Variants in KCNH6 observed in about 807,000 individuals in gnomAD.
KCNH6 encodes the protein voltage-gated inwardly rectifying potassium channel KCNH6.
A neutral mutation model predicts 83.4 loss-of-function variants in KCNH6; 81 were observed. That is an observed-to-expected ratio of 0.97 (90% confidence interval 0.81 to 1.17). KCNH6 has a LOEUF of 1.17. KCNH6 is among the 50% of genes most tolerant of loss of function. The pLI is 0.00. For synonymous variants in KCNH6, 503 were observed against 545.6 expected (o/e 0.92, Z 1.09); for missense variants, 1,203 against 1,290.5 (o/e 0.93, Z 1.04).
rs1174668307 is a variant in KCNH6 at position 63,538,582 on chromosome 17, G to A, written c.1874G>A (p.Gly625Asp). ...CCTGGGGACACGCTGGTGCACCTCG[G>A]CGACGTGCTCTCCACCCTCTACTTC... is the stretch of plus-strand genomic sequence containing the variant. Reference protein sequence around the residue: ...APPGDTLVHLGDVLSTLYFIS... With the variant: ...APPGDTLVHLDDVLSTLYFIS... Residue 625 changes from glycine to aspartate, a missense_variant, in exon 8 of 13, where the codon GGC becomes GAC. Coordinates refer to ENST00000314672, the MANE Select transcript of KCNH6 (RefSeq NM_001278919.2). The surrounding 1 kb of genome is among the most constrained non-coding windows in gnomAD (Gnocchi z 4.0). 1 of 1,613,124 alleles carries A rather than the reference G, an allele frequency of 6.2e-7. No homozygotes were observed. The highest frequency in any genetic ancestry group is 1.7e-5 in the Admixed American group (1 of 59,956).
chr17:63,538,224 A>T lies in KCNH6; in HGVS notation c.1661A>T (p.Gln554Leu), dbSNP rs1407971935. 6.2e-7 allele frequency: 1 copy of T among 1,614,020 alleles called. No homozygotes were observed. ...PLRQRLEEYF[Q>L]HAWSYTNGID... ...CGCCAGCGCCTGGAGGAGTATTTCC[A>T]GCACGCCTGGTCCTACACCAATGGC... is the stretch of plus-strand genomic sequence containing the variant. The change falls in exon 7 of 13, where the codon CAG (glutamine) becomes CTG (leucine). Residue 554 changes from glutamine to leucine, a missense_variant. Coordinates refer to ENST00000314672, the MANE Select transcript of KCNH6 (RefSeq NM_001278919.2). This position sits in a 1 kb window ranked among gnomAD's most constrained non-coding sequence, Gnocchi z 4.0.
rs189641576 is a variant in KCNH6 at position 63,546,176 on chromosome 17, G to A, written c.*274G>A. On this transcript the variant is annotated 3_prime_UTR_variant, in exon 13 of 13. Transcript: ENST00000314672. ...AATGGCATGAACCCGGGAGGTGGAGGTTGCAGGGAGCCGAGGCCGCACCAC... is the reference window on the plus strand; with the variant it reads ...AATGGCATGAACCCGGGAGGTGGAGATTGCAGGGAGCCGAGGCCGCACCAC... The A allele has an allele frequency of 3.7e-5, 12 of 321,018 alleles. No individual in the cohort carries two copies. The highest frequency in any genetic ancestry group is 5.8e-5 in the Non-Finnish European group (10 of 172,216). The allele number at this position is 321,018 out of a possible 1,614,324, so 19.9% of individuals were successfully genotyped here.
rs780501361 is a variant in KCNH6, at chr17:63,535,845, G to A, written c.1278G>A (p.Glu426=). 18 of 1,614,088 alleles carry A rather than the reference G, an allele frequency of 1.1e-5. No individual in the cohort carries two copies. Among genetic ancestry groups the A allele is most frequent in the Non-Finnish European group, 1.5e-5 (18 of 1,180,048 alleles). ...TCTGGTACGCCATCGGCAATGTGGA[G>A]CGGCCCTACCTAGAACACAAGATCG... ...ACIWYAIGNV[E]RPYLEHKIGW... The change falls in exon 6 of 13, where the codon GAG becomes GAA. Residue 426 remains glutamate (E), a synonymous_variant. Transcript: ENST00000314672. The surrounding 1 kb of genome is among the most constrained non-coding windows in gnomAD (Gnocchi z 4.9).
intron 6 of KCNH6, among the ~76,000 whole-genome samples, chr17:63,536,630 T>A (rs895095566): frequency 1.4e-5 from 2 of 145,078 alleles, no homozygotes; most frequent in East Asian, 2.1e-4. Context: ...GGTGACAGAG[T>A]GAGACTCCGT....
In KCNH6 at chr17:63,545,182, A is replaced by G. The variant is rs140788381; in HGVS notation, c.2501A>G (p.Asn834Ser). The G allele has an allele frequency of 1.3e-5, 21 of 1,613,736 alleles. No homozygotes were observed. In the African/African-American group the frequency reaches 1.6e-4, roughly 12 times the overall value. ...ASYILEAPAS[N>S]DLALVPIASE... is the part of the protein sequence containing the mutation. ...TACATTCTGGAAGCCCCTGCCTCCA[A>G]TGACCTGGCCTTGGTTCCTATAGCC... Residue 834 changes from asparagine (N) to serine (S), a missense_variant, in exon 12 of 13, where the codon AAT becomes AGT. By Grantham distance (46) the Asn-to-Ser change is conservative. Transcript: ENST00000314672.
Position 63,535,896 on chromosome 17 carries a change from GCT to G in KCNH6, c.1330_1331del (p.Leu444TrpfsTer120), listed in dbSNP as rs1568077914. On this transcript the variant is annotated frameshift_variant, in exon 6 of 13. Coordinates refer to ENST00000314672, the MANE Select transcript of KCNH6 (RefSeq NM_001278919.2). LOFTEE classifies it high-confidence loss of function. This position sits in a 1 kb window ranked among gnomAD's most constrained non-coding sequence, Gnocchi z 4.9. ...GCTGGCTGGACAGCCTGGGTGTGCAGCTTGGCAAGCGCTACAACGGCAGCGAC... is the reference window on the plus strand; with the variant it reads ...GCTGGCTGGACAGCCTGGGTGTGCAGTGGCAAGCGCTACAACGGCAGCGAC... The part of the protein sequence containing the change: ...IGWLDSLGVQ[L>X]GKRYNGSDPA... The G allele has an allele frequency of 6.2e-7, 1 of 1,614,112 alleles. No homozygotes were observed. Among genetic ancestry groups the G allele is most frequent in the Non-Finnish European group, 8.5e-7 (1 of 1,180,048 alleles).
intron 2 of KCNH6, among the ~76,000 whole-genome samples, chr17:63,527,471 G>C (rs1294548811): frequency 6.6e-6 from 1 of 152,200 alleles, no homozygotes; most frequent in Non-Finnish European, 1.5e-5. Context: ...GAGAGAAGAG[G>C]AGAGAGAATT....
chr17:63,537,326 G>C (rs544427160), intron 6 of KCNH6, among the ~76,000 whole-genome samples: 8 of 152,338 alleles, frequency 5.3e-5, no homozygotes, highest in African/African-American at 1.9e-4. Context: ...TTTACACATA[G>C]ATTGAGTTGT....
intron 2 of KCNH6, among the ~76,000 whole-genome samples, chr17:63,528,982 G>A (rs867203219): frequency 6.6e-6 from 1 of 152,068 alleles, no homozygotes; most frequent in African/African-American, 2.4e-5. Flanking sequence ...CTACAGGTGC[G>A]CACCACCACG....
chr17:63,540,080 A>G (rs1057379917), intron 8 of KCNH6, among the ~76,000 whole-genome samples: 1 of 152,210 alleles, frequency 6.6e-6, no homozygotes, highest in Non-Finnish European at 1.5e-5. Flanking sequence ...TTGTCCTCCA[A>G]GGCTGGGCTT....
Position 63,532,966 on chromosome 17 carries a change from C to A in KCNH6, c.676-920C>A, listed in dbSNP as rs145293059. ...CCTCACTACCCATGGCTTTTGTTGT[C>A]CTTTGTGATTCCATTTTGCAGATGA... On this transcript the variant is annotated intron_variant, in intron 4 of 12. Coordinates refer to ENST00000314672, the MANE Select transcript of KCNH6 (RefSeq NM_001278919.2). Among the ~76,000 whole-genome samples the A allele has an allele frequency of 3.6e-3, 549 of 152,268 alleles. 5 individuals carry two copies. Among genetic ancestry groups the A allele is most frequent in the African/African-American group, 0.012 (506 of 41,544 alleles).
intron 10 of KCNH6, 136 bp from the exon 11 acceptor site, chr17:63,544,111 GGC>G: frequency 6.2e-7 from 1 of 1,608,768 alleles, no homozygotes; most frequent in Non-Finnish European, 8.5e-7. Flanking sequence ...TGTGCTCCAG[GGC>G]ACCCAGGTAA....
At chr17:63,539,795 G>A (rs148724107) in intron 8 of KCNH6, among the ~76,000 whole-genome samples, 5 of 152,164 alleles carry the variant, frequency 3.3e-5, no homozygotes, top group African/African-American at 9.6e-5. Context: ...ATGGCCCTGC[G>A]TCTGGTTTAC....
At chr17:63,531,576 G>A (rs1387393167) in intron 4 of KCNH6, among the ~76,000 whole-genome samples, 1 of 152,234 alleles carries the variant, frequency 6.6e-6, no homozygotes, top group African/African-American at 2.4e-5. Flanking sequence ...AACCAGGTGT[G>A]GGGAAGACCA....
chr17:63,523,394 G>T lies in KCNH6; in HGVS notation c.-20G>T, dbSNP rs1227948573. On this transcript the variant is annotated 5_prime_UTR_variant, in exon 1 of 13. Transcript: ENST00000314672. The surrounding 1 kb of genome is among the most constrained non-coding windows in gnomAD (Gnocchi z 4.2). ...GAGCCAGTGGCGCCTGTGGCTCCGG[G>T]CAGGGGCCGCGGCCGAAAGATGCCG... 3 of 1,583,870 alleles carry T rather than the reference G, an allele frequency of 1.9e-6. No individual in the cohort carries two copies. The highest frequency in any genetic ancestry group is 3.5e-5 in the Admixed American group (2 of 57,680).
In KCNH6 at chr17:63,533,982, G is replaced by C; in HGVS notation, c.772G>C (p.Val258Leu). Residue 258 changes from valine to leucine, a missense_variant, in exon 5 of 13, where the codon GTG becomes CTG. Physicochemically the swap from Val to Leu is conservative, Grantham distance 32 (BLOSUM62 1). Coordinates refer to ENST00000314672, the MANE Select transcript of KCNH6 (RefSeq NM_001278919.2). This position sits in a 1 kb window ranked among gnomAD's most constrained non-coding sequence, Gnocchi z 4.1. ...CCTGCACTACAGCCCCTTCAAGGCC[G>C]TGTGGGACTGGCTCATCCTGCTGCT... ...TILHYSPFKA[V>L]WDWLILLLVI... 2 of 1,614,150 alleles carry C rather than the reference G, an allele frequency of 1.2e-6. No individual in the cohort carries two copies. The highest frequency in any genetic ancestry group is 1.1e-5 in the South Asian group (1 of 91,086).
intron 2 of KCNH6, among the ~76,000 whole-genome samples, chr17:63,528,845 G>GTTTGTTTGTTAT (rs1447796286): frequency 3.3e-5 from 5 of 152,030 alleles, no homozygotes; most frequent in Admixed American, 6.5e-5. Flanking sequence ...TTGTTTGTTT[G>GTTTGTTTGTTAT]TTTGTTTGAG....
chr17:63,545,704 G>A lies in KCNH6; in HGVS notation c.2679G>A (p.Leu893=), dbSNP rs1478429880. 1 of 1,613,872 alleles carries A rather than the reference G, an allele frequency of 6.2e-7. No individual in the cohort carries two copies. The highest frequency in any genetic ancestry group is 8.5e-7 in the Non-Finnish European group (1 of 1,179,946). The change falls in exon 13 of 13, where the codon CTG becomes CTA. Residue 893 remains leucine, a synonymous_variant. Transcript: ENST00000314672. ...TGGCTGTGGCAACGGACAAAACTCT[G>A]GCACCATCCTCAGAACAGGAACAGC... is the stretch of plus-strand genomic sequence containing the variant. ...PHLAVATDKT[L]APSSEQEQPE... is the part of the protein sequence containing the mutation.
In KCNH6 at chr17:63,534,145, T is replaced by C; in HGVS notation, c.935T>C (p.Val312Ala). 6.2e-7 allele frequency: 1 copy of C among 1,609,704 alleles called. No homozygotes were observed. The highest frequency in any genetic ancestry group is 8.5e-7 in the Non-Finnish European group (1 of 1,178,258). Reference sequence around the variant, plus strand: ...GATCTCATCGTGGACATCATGTTCGTCGTGGACATCGTCATCAACTTCCGC... The same window carrying C: ...GATCTCATCGTGGACATCATGTTCGCCGTGGACATCGTCATCAACTTCCGC... ...VVDLIVDIMF[V>A]VDIVINFRTT... The change falls in exon 5 of 13, where the codon GTC (valine) becomes GCC (alanine). Residue 312 changes from valine (V) to alanine (A), a missense_variant. Transcript: ENST00000314672. The surrounding 1 kb of genome is among the most constrained non-coding windows in gnomAD (Gnocchi z 5.0).
Sources: gnomAD v4.1 joint callset for allele counts (sites outside exome capture counted in the v4.1 genomes callset) on GRCh38, gnomAD v4.1.1 for gene constraint, Gnocchi (gnomAD v3.1) non-coding constraint, MANE v1.5 for transcripts, NCBI Gene and HGNC (gene_info 2026-07-23, HGNC 2026-07-21) for gene names.